The following CRBN variants were observed in gnomAD, a reference collection of about 807,000 sequenced individuals.
CRBN encodes the protein protein cereblon.
Under a neutral mutation model 62.2 loss-of-function variants are expected in CRBN, and 53 were observed. The observed-to-expected ratio is 0.85, with a 90% CI of 0.68 to 1.07. The LOEUF (loss-of-function observed/expected upper bound fraction) is 1.07, where lower values mean the gene tolerates loss of function less well. Ranked by LOEUF, CRBN falls within the 50% of genes least tolerant of loss-of-function variation. The pLI is 0.00. For missense variants in CRBN, 616 were observed against 531.1 expected (o/e 1.16, Z -1.57); for synonymous variants, 208 against 176.1 (o/e 1.18, Z -1.43).
chr3:3,153,930 G>A, intron 8 of CRBN, 30 bp downstream of exon 8: 1 of 1,335,378 alleles, frequency 7.5e-7, no homozygotes, highest in Middle Eastern at 1.8e-4. Context: ...AATAAAACAT[G>A]GGCATCAAAA....
intron 2 of CRBN, among the ~76,000 whole-genome samples, chr3:3,174,901 C>A (rs190259521): frequency 1.4e-4 from 21 of 152,152 alleles, no homozygotes; most frequent in Non-Finnish European, 1.9e-4. Context: ...CACTCTAGTA[C>A]CTAGAAGTAC....
At chr3:3,173,903 C>T in intron 3 of CRBN, 156 bp downstream of exon 3, 1 of 681,334 alleles carries the variant, frequency 1.5e-6, no homozygotes. Flanking sequence ...CTCCAACTTG[C>T]ACTATCAAAC....
intron 8 of CRBN, chr3:3,153,705 CTAGAG>C: frequency 4.9e-6 from 3 of 614,630 alleles, no homozygotes; most frequent in Non-Finnish European, 8.8e-6. Context: ...ATGACCTTCT[CTAGAG>C]TAAAGGAATA....
In CRBN at chr3:3,154,820, C is replaced by T; in HGVS notation, c.762G>A (p.Met254Ile). 1 of 1,586,564 alleles carries T rather than the reference C, an allele frequency of 6.3e-7. No individual in the cohort carries two copies. Among genetic ancestry groups the T allele is most frequent in the Non-Finnish European group, 8.7e-7 (1 of 1,155,078 alleles). Reference protein sequence around the residue: ...LYSLYDAETLMDRIKKQLREW... With the variant: ...LYSLYDAETLIDRIKKQLREW... Reference sequence around the variant, plus strand: ...CACGTAGCTGTTTCTTGATTCTGTCCATTAAGGTCTCCTTGTTTAAAATAA... The same window carrying T: ...CACGTAGCTGTTTCTTGATTCTGTCTATTAAGGTCTCCTTGTTTAAAATAA... Residue 254 changes from methionine to isoleucine, a missense_variant, in exon 7 of 11, where the codon ATG (methionine) becomes ATA (isoleucine). Transcript: ENST00000231948.
In CRBN at chr3:3,151,029, C is replaced by T. The variant is rs748311975; in HGVS notation, c.1165G>A (p.Ala389Thr). 11 of 1,613,640 alleles carry T rather than the reference C, an allele frequency of 6.8e-6. No homozygotes were observed. Among genetic ancestry groups the T allele is most frequent in the Non-Finnish European group, 9.3e-6 (11 of 1,179,896 alleles). ...TGGCTTGCACAGATCTTACACTGGG[C>T]AACAGTCCAGGCATACCTAAGAAAT... ...SWFPGYAWTV[A>T]QCKICASHIG... Residue 389 changes from alanine to threonine, a missense_variant, in exon 11 of 11, where the codon GCC (alanine) becomes ACC (threonine). Physicochemically the swap from Ala to Thr is moderately conservative, Grantham distance 58. Transcript: ENST00000231948.
intron 5 of CRBN, among the ~76,000 whole-genome samples, chr3:3,163,070 A>G (rs796402821): frequency 4.0e-4 from 61 of 152,334 alleles, no homozygotes; most frequent in African/African-American, 1.4e-3. Context: ...TGATGCACAC[A>G]GAATGGCTCT....
chr3:3,153,851 A>G (rs764720773), intron 8 of CRBN, 109 bp downstream of exon 8: 3 of 724,586 alleles, frequency 4.1e-6, no homozygotes, highest in Admixed American at 2.1e-5. Flanking sequence ...TCTGAATTGC[A>G]TGACTACATT....
chr3:3,179,077 C>G (rs542702868), intron 1 of CRBN, among the ~76,000 whole-genome samples: 1 of 152,296 alleles, frequency 6.6e-6, no homozygotes, highest in African/African-American at 2.4e-5. Flanking sequence ...GGTTGGAATC[C>G]TGACTCTGCT....
intron 7 of CRBN, 66 bp downstream of exon 7, chr3:3,154,681 C>T: frequency 1.2e-6 from 1 of 843,656 alleles, no homozygotes; most frequent in African/African-American, 1.7e-5. Flanking sequence ...TGGATCGCAT[C>T]CATGAAAAAG....
intron 6 of CRBN, chr3:3,155,071 C>T: frequency 1.8e-6 from 1 of 540,574 alleles, no homozygotes. Context: ...TATATGCTCC[C>T]AACTCCCTTG....
chr3:3,167,182 T>C (rs950938525), intron 5 of CRBN, among the ~76,000 whole-genome samples: 10 of 152,252 alleles, frequency 6.6e-5, no homozygotes, highest in African/African-American at 2.4e-4. Flanking sequence ...TTCTGCGATG[T>C]CAACTGTATT....
Position 3,152,514 on chromosome 3 carries a change from T to G in CRBN, c.1090A>C (p.Lys364Gln). Residue 364 changes from lysine (K) to glutamine (Q), a missense_variant, in exon 10 of 11, where the codon AAG becomes CAG. Physicochemically the swap from Lys to Gln is moderately conservative, Grantham distance 53. Coordinates refer to ENST00000231948, the MANE Select transcript of CRBN (RefSeq NM_016302.4). ...GYVHETLTVY[K>Q]ACNLNLIGRP... ...CCTATCAGATTCAAGTTGCAAGCCTTATACACAGTAAGTGTCTCATGCACA... is the reference window on the plus strand; with the variant it reads ...CCTATCAGATTCAAGTTGCAAGCCTGATACACAGTAAGTGTCTCATGCACA... 1 of 1,614,068 alleles carries G rather than the reference T, an allele frequency of 6.2e-7. No homozygotes were observed. The highest frequency in any genetic ancestry group is 8.5e-7 in the Non-Finnish European group (1 of 1,179,992).
Position 3,150,689 on chromosome 3 carries a change from A to ATACT in CRBN, c.*172_*175dup, listed in dbSNP as rs961018989. 24 of 622,658 alleles carry ATACT rather than the reference A, an allele frequency of 3.9e-5. No homozygotes were observed. Among genetic ancestry groups the ATACT allele is most frequent in the African/African-American group, 3.3e-4 (18 of 54,336 alleles). The allele number at this position is 622,658 out of a possible 1,614,324, so 38.6% of individuals were successfully genotyped here. On this transcript the variant is annotated 3_prime_UTR_variant, in exon 11 of 11. Transcript: ENST00000231948. ...GCCGTTCATGCTTGTTTCCTAAAGTATACTTAAAAGTTTCAAATACAGTTT... is the reference window on the plus strand; with the variant it reads ...GCCGTTCATGCTTGTTTCCTAAAGTATACTTACTTAAAAGTTTCAAATACAGTTT...
At position 3,150,859 on chromosome 3, in the gene CRBN, A is replaced by T. The variant is rs1189771931; in HGVS notation, c.*6T>A. 6.2e-7 allele frequency: 1 copy of T among 1,612,312 alleles called. No individual in the cohort carries two copies. Among genetic ancestry groups the T allele is most frequent in the African/African-American group, 1.3e-5 (1 of 74,822 alleles). Reference sequence around the variant, plus strand: ...TGTTAGATAACTTTATCTCTATCACATCTGTTTACAAGCAAAGTATTACTT... The same window carrying T: ...TGTTAGATAACTTTATCTCTATCACTTCTGTTTACAAGCAAAGTATTACTT... On this transcript the variant is annotated 3_prime_UTR_variant, in exon 11 of 11. Coordinates refer to ENST00000231948, the MANE Select transcript of CRBN (RefSeq NM_016302.4).
intron 4 of CRBN, among the ~76,000 whole-genome samples, chr3:3,168,224 CATCTA>C (rs201555715): frequency 0.019 from 2,903 of 152,198 alleles, 82 homozygotes; most frequent in African/African-American, 0.065. Context: ...TCTCATAAGT[CATCTA>C]ATCTAAGTAG....
chr3:3,161,731 C>T (rs1016456073), intron 5 of CRBN, among the ~76,000 whole-genome samples: 6 of 152,188 alleles, frequency 3.9e-5, no homozygotes, highest in African/African-American at 1.2e-4. Context: ...TGCATTTACC[C>T]TGTGAGCCAA....
chr3:3,158,236 G>A (rs1706987332), intron 5 of CRBN, among the ~76,000 whole-genome samples: 1 of 152,156 alleles, frequency 6.6e-6, no homozygotes, highest in Non-Finnish European at 1.5e-5. Flanking sequence ...TCACAATAGG[G>A]TTTGCGCTCC....
intron 9 of CRBN, 131 bp from the exon 10 acceptor site, chr3:3,152,718 A>G: frequency 9.2e-7 from 1 of 1,089,956 alleles, no homozygotes; most frequent in Non-Finnish European, 1.4e-6. Flanking sequence ...TCAGTTTTAT[A>G]TAATACCAGG....
intron 9 of CRBN, 61 bp downstream of exon 9, chr3:3,153,363 A>G (rs563428675): frequency 3.1e-6 from 3 of 971,450 alleles, no homozygotes; most frequent in South Asian, 1.3e-5. Context: ...GAAAACAGAA[A>G]TACAGTCTTC....
Sources: allele counts gnomAD v4.1 joint callset (sites outside exome capture counted in the v4.1 genomes callset), GRCh38; gene constraint gnomAD v4.1.1; transcripts MANE v1.5; gene names NCBI Gene and HGNC (gene_info 2026-07-23, HGNC 2026-07-21).